PCLAF: variants seen among roughly 807,000 people sequenced by gnomAD.
PCLAF encodes the protein PCNA-associated factor.
In PCLAF, 12 loss-of-function variants were observed where a neutral mutation model predicts 15.1. That is an observed-to-expected ratio of 0.79 (90% CI 0.51 to 1.29). The LOEUF (loss-of-function observed/expected upper bound fraction) is 1.29. PCLAF is among the 50% of genes most tolerant of loss of function. The pLI, the probability that PCLAF is intolerant of heterozygous loss-of-function variation, is 0.00. For missense variants in PCLAF, 116 were observed against 130.9 expected, an observed-to-expected ratio of 0.89 and a Z score of 0.56; for synonymous variants, 33 against 47.1, an observed-to-expected ratio of 0.70 and a Z score of 1.22.
chr15:64,384,723 T>C (rs113101323), upstream of PCLAF, among the ~76,000 whole-genome samples: 7,120 of 142,900 alleles, frequency 0.05, 478 homozygotes, highest in African/African-American at 0.16. Flanking sequence ...GCCTGGGTGA[T>C]GGAGCAAGAA....
intron 3 of PCLAF, among the ~76,000 whole-genome samples, chr15:64,372,508 G>A (rs889041204): frequency 6.6e-6 from 1 of 152,162 alleles, no homozygotes; most frequent in African/African-American, 2.4e-5. Context: ...CAGCTGCTGG[G>A]GAGGCTGAGG....
chr15:64,368,180 A>T (rs1899126516), intron 3 of PCLAF, among the ~76,000 whole-genome samples: 1 of 151,928 alleles, frequency 6.6e-6, no homozygotes, highest in South Asian at 2.1e-4. Context: ...TGTCTCTACT[A>T]AAAATACAAA....
At chr15:64,376,649 C>T (rs1899610909) in intron 3 of PCLAF, 94 bp downstream of exon 3, 1 of 958,630 alleles carries the variant, frequency 1.0e-6, no homozygotes, top group Admixed American at 2.6e-5. Flanking sequence ...GAACTCCTGG[C>T]CTCAAGTGAT....
intron 3 of PCLAF, among the ~76,000 whole-genome samples, chr15:64,370,760 G>C (rs896052342): frequency 1.3e-5 from 2 of 149,724 alleles, no homozygotes; most frequent in African/African-American, 4.9e-5. Context: ...CTTAGGCCCA[G>C]GCTCTATCTA....
rs1566966391 is a variant in PCLAF, at chr15:64,376,413, C to A, written c.290+330G>T. ...TAATTTTTTATTTGAGACAGAGTCT[C>A]ACTCTGTCCCCCAGACTGGAGGGCA... On this transcript the variant is annotated intron_variant, in intron 3 of 3. Transcript: ENST00000300035. Among the ~76,000 whole-genome samples the A allele has an allele frequency of 5.3e-5, 8 of 152,038 alleles. No individual in the cohort carries two copies. In the South Asian group the frequency reaches 1.5e-3, roughly 28 times the overall value.
chr15:64,384,992 G>T (rs1277936486), upstream of PCLAF, among the ~76,000 whole-genome samples: 1 of 151,910 alleles, frequency 6.6e-6, no homozygotes, highest in Non-Finnish European at 1.5e-5. Flanking sequence ...CTCGCCTCCT[G>T]AGCTCAGGTG....
chr15:64,365,159 C>T lies in PCLAF; in HGVS notation c.*871G>A, dbSNP rs71394550. ...CTGGGACTACAGGCGCCCGCCACCG[C>T]GCCCGGCTAATTTTTTGTATTTTTA... On this transcript the variant is annotated 3_prime_UTR_variant, in exon 4 of 4. Transcript: ENST00000300035. 1 of 151,986 alleles carries T rather than the reference C, an allele frequency of 6.6e-6. No individual in the cohort carries two copies. The highest frequency in any genetic ancestry group is 2.4e-5 in the African/African-American group (1 of 41,410). 9.4% of individuals were successfully genotyped at this position (151,986 alleles called of 1,614,324 possible).
chr15:64,376,705 T>C (rs1165784726), intron 3 of PCLAF, 38 bp downstream of exon 3: 6 of 1,559,164 alleles, frequency 3.8e-6, no homozygotes, highest in Non-Finnish European at 4.4e-6. Context: ...AGGCGTGAGA[T>C]AAATATTTTC....
chr15:64,372,707 C>T (rs916420130), intron 3 of PCLAF, among the ~76,000 whole-genome samples: 1 of 151,790 alleles, frequency 6.6e-6, no homozygotes, highest in Non-Finnish European at 1.5e-5. Flanking sequence ...GGCGCAGTGG[C>T]TCATGCCTGT....
intron 3 of PCLAF, chr15:64,373,101 G>C (rs909549537): frequency 6.6e-6 from 1 of 152,176 alleles, no homozygotes; most frequent in Non-Finnish European, 1.5e-5. Context: ...ACACCTGGTA[G>C]TTTCTTCCAA....
At chr15:64,377,676 C>T (rs1449373581) in intron 2 of PCLAF, among the ~76,000 whole-genome samples, 2 of 146,356 alleles carry the variant, frequency 1.4e-5, no homozygotes, top group Non-Finnish European at 3.0e-5. Flanking sequence ...TGAAAGTCTC[C>T]ACAAAAGTAG....
At chr15:64,366,850 G>T (rs571009489) in intron 3 of PCLAF, among the ~76,000 whole-genome samples, 95 of 152,146 alleles carry the variant, frequency 6.2e-4, no homozygotes, top group African/African-American at 2.2e-3. Flanking sequence ...GTGTGTGCCT[G>T]TAATCCCAGC....
intron 1 of PCLAF, among the ~76,000 whole-genome samples, chr15:64,386,543 G>A (rs1388271867): frequency 1.3e-5 from 2 of 151,976 alleles, no homozygotes. Context: ...GACTGGTCCG[G>A]AACTCCTGGG....
At chr15:64,387,618 A>G in exon 1 of PCLAF, 4 of 1,391,098 alleles carry the variant, frequency 2.9e-6, no homozygotes, top group South Asian at 1.5e-5. Context: ...CTCGAGTCCT[A>G]CGTTTAGCGA....
At chr15:64,379,033 C>T (rs1235786805) in intron 2 of PCLAF, among the ~76,000 whole-genome samples, 1 of 152,028 alleles carries the variant, frequency 6.6e-6, no homozygotes, top group Non-Finnish European at 1.5e-5. Context: ...AAGGATATTA[C>T]CCATTTCATA....
At chr15:64,387,455 C>G in exon 1 of PCLAF, 1 of 1,261,514 alleles carries the variant, frequency 7.9e-7, no homozygotes, top group Middle Eastern at 2.2e-4. Context: ...ACAGCGCTTA[C>G]AATACCTTCC....
chr15:64,381,629 G>A, upstream of PCLAF: 1 of 1,001,026 alleles, frequency 1.0e-6, no homozygotes, highest in South Asian at 1.8e-5. Context: ...CCTAGGATTC[G>A]TAGGCGCCCC....
At chr15:64,372,613 CAAAAAAAGAA>C (rs1180016687) in intron 3 of PCLAF, among the ~76,000 whole-genome samples, 1 of 149,906 alleles carries the variant, frequency 6.7e-6, no homozygotes, top group Admixed American at 6.6e-5. Flanking sequence ...GACTCCATCT[CAAAAAAAGAA>C]AAGAAAAGAA....
exon 1 of PCLAF, chr15:64,387,658 G>A: frequency 1.4e-6 from 2 of 1,407,650 alleles, no homozygotes; most frequent in East Asian, 2.6e-5. Context: ...GACAGAGCTC[G>A]ACTCCGGAGG....
Sources: gnomAD v4.1 joint callset for allele counts (sites outside exome capture counted in the v4.1 genomes callset) on GRCh38, gnomAD v4.1.1 for gene constraint, MANE v1.5 for transcripts, NCBI Gene and HGNC (gene_info 2026-07-23, HGNC 2026-07-21) for gene names.